Variants in DLG1 observed in about 807,000 individuals in gnomAD.
DLG1 encodes disks large homolog 1.
In DLG1, 42 loss-of-function variants were observed where a neutral mutation model predicts 123.4. That is an observed-to-expected ratio of 0.34 (90% CI 0.27 to 0.44). The LOEUF (loss-of-function observed/expected upper bound fraction) is 0.44. Ranked by LOEUF, DLG1 falls within the 20% of genes least tolerant of loss-of-function variation. The probability of loss-of-function intolerance (pLI) is 1.00; values close to 1 mark genes in which losing one functional copy is unlikely to be tolerated. For missense variants in DLG1, 942 were observed against 1,082.6 expected, an observed-to-expected ratio of 0.87 and a Z score of 1.82; for synonymous variants, 317 against 356.2, an observed-to-expected ratio of 0.89 and a Z score of 1.24.
intron 4 of DLG1, among the ~76,000 whole-genome samples, chr3:197,248,713 G>T (rs535317201): frequency 1.1e-4 from 17 of 151,754 alleles, no homozygotes; most frequent in African/African-American, 4.1e-4. Context: ...ATTTAGAATA[G>T]GACAAAGAAC....
At chr3:197,297,044 G>A (rs755581347) in intron 2 of DLG1, 142 bp downstream of exon 2, 59 of 840,496 alleles carry the variant, frequency 7.0e-5, no homozygotes, top group Non-Finnish European at 8.6e-5. Flanking sequence ...GAAATGATAT[G>A]AGGCTTAGAT....
At position 197,194,416 on chromosome 3, in the gene DLG1, C is replaced by T. The variant is rs763918427; in HGVS notation, c.483+9G>A. 2 of 1,526,282 alleles carry T rather than the reference C, an allele frequency of 1.3e-6. No individual in the cohort carries two copies. The highest frequency in any genetic ancestry group is 2.3e-5 in the East Asian group (1 of 42,938). The allele number at this position is 1,526,282 out of a possible 1,614,324, so 94.5% of individuals were successfully genotyped here. A position where few individuals can be genotyped will look rare whatever the true frequency, so the allele number is the denominator to read the frequency against. ...AATTCATAACAATAATAAATAGATA[C>T]TATCCTACCTTTATTGGTGAAATAT... is the stretch of plus-strand genomic sequence containing the variant. On this transcript the variant is annotated intron_variant, in intron 5 of 24. Coordinates refer to ENST00000667157, the MANE Select transcript of DLG1 (RefSeq NM_001366207.1).
At chr3:197,161,454 T>TA (rs995491654) in intron 5 of DLG1, among the ~76,000 whole-genome samples, 2 of 152,172 alleles carry the variant, frequency 1.3e-5, no homozygotes, top group Non-Finnish European at 2.9e-5. Context: ...GACAACCTAA[T>TA]AAAATGGCAA....
At chr3:197,180,432 G>C (rs1809604975) in intron 5 of DLG1, among the ~76,000 whole-genome samples, 1 of 152,114 alleles carries the variant, frequency 6.6e-6, no homozygotes, top group Admixed American at 6.6e-5. Flanking sequence ...CGGAACCAAG[G>C]AGGGCTTCGC....
At chr3:197,200,864 CCA>C (rs903569472) in intron 4 of DLG1, among the ~76,000 whole-genome samples, 17 of 152,060 alleles carry the variant, frequency 1.1e-4, no homozygotes, top group Admixed American at 7.9e-4. Flanking sequence ...TATAACACAC[CCA>C]CAGTCAACAT....
intron 17 of DLG1, among the ~76,000 whole-genome samples, chr3:197,080,138 C>A (rs1434648412): frequency 6.6e-6 from 1 of 151,540 alleles, no homozygotes; most frequent in Non-Finnish European, 1.5e-5. Flanking sequence ...TCCACCAATA[C>A]GGGATGAAGC....
intron 14 of DLG1, 130 bp from the exon 15 acceptor site, chr3:197,091,156 G>T: frequency 1.9e-6 from 1 of 525,186 alleles, no homozygotes; most frequent in South Asian, 4.3e-5. Context: ...AGTAATATGC[G>T]AAAGATTTTG....
At chr3:197,151,302 G>C (rs752972751) in intron 5 of DLG1, among the ~76,000 whole-genome samples, 6 of 152,052 alleles carry the variant, frequency 3.9e-5, no homozygotes, top group Non-Finnish European at 7.4e-5. Flanking sequence ...TCCCTCTGCC[G>C]ATTTTTTACC....
At chr3:197,088,272 G>A (rs1447622328) in intron 15 of DLG1, among the ~76,000 whole-genome samples, 1 of 152,046 alleles carries the variant, frequency 6.6e-6, no homozygotes, top group Non-Finnish European at 1.5e-5. Flanking sequence ...AGGATAGCTA[G>A]AAAAAAGGAA....
chr3:197,198,124 AAAACAAAAC>A (rs1349547287), intron 4 of DLG1, among the ~76,000 whole-genome samples: 1 of 96,370 alleles, frequency 1.0e-5, no homozygotes, highest in Non-Finnish European at 2.3e-5. Context: ...TGGACTCATC[AAAACAAAAC>A]AAAACAAAAC....
intron 5 of DLG1, among the ~76,000 whole-genome samples, chr3:197,150,825 A>G (rs1311714867): frequency 2.6e-5 from 4 of 152,102 alleles, no homozygotes; most frequent in Non-Finnish European, 5.9e-5. Context: ...TGATATGACA[A>G]AATGCTTAAA....
intron 4 of DLG1, chr3:197,260,175 A>G: frequency 2.9e-6 from 1 of 346,220 alleles, no homozygotes; most frequent in Non-Finnish European, 5.7e-6. Flanking sequence ...CAATGGTTAC[A>G]CCTTATTTTT....
chr3:197,217,814 G>T (rs1734874866), intron 4 of DLG1, among the ~76,000 whole-genome samples: 1 of 152,146 alleles, frequency 6.6e-6, no homozygotes, highest in African/African-American at 2.4e-5. Flanking sequence ...CTGAAAAGCA[G>T]CTTTGGAAAA....
intron 23 of DLG1, among the ~76,000 whole-genome samples, chr3:197,051,878 G>A (rs1055731944): frequency 1.7e-5 from 2 of 119,708 alleles, no homozygotes; most frequent in Non-Finnish European, 3.2e-5. Flanking sequence ...GTCTGACACT[G>A]TCACCCAGGC....
chr3:197,178,796 T>C (rs1808508944), intron 5 of DLG1, among the ~76,000 whole-genome samples: 1 of 152,136 alleles, frequency 6.6e-6, no homozygotes, highest in Admixed American at 6.6e-5. Flanking sequence ...TCAAGTAAAA[T>C]GAACACTGAG....
rs993203880 is a variant in DLG1 at position 197,059,822 on chromosome 3, G to A, written c.2483+67C>T. The A allele has an allele frequency of 2.0e-5, 20 of 997,960 alleles. 1 individual carries two copies. The Admixed American group carries it at 3.3e-4, about 17-fold the overall frequency. The allele number at this position is 997,960 out of a possible 1,614,324, so 61.8% of individuals were successfully genotyped here. ...ATAGATAAACTGAGATGCAGGGAGAGTAAATAAATTACCCTACAGTGACTG... is the reference window on the plus strand; with the variant it reads ...ATAGATAAACTGAGATGCAGGGAGAATAAATAAATTACCCTACAGTGACTG... On this transcript the variant is annotated intron_variant, in intron 23 of 24. Transcript: ENST00000667157.
At chr3:197,216,941 T>G (rs1734402492) in intron 4 of DLG1, among the ~76,000 whole-genome samples, 1 of 152,216 alleles carries the variant, frequency 6.6e-6, no homozygotes, top group Admixed American at 6.5e-5. Flanking sequence ...ACACTGTAGA[T>G]TAATGACAAT....
At chr3:197,285,166 G>A (rs928565838) in intron 3 of DLG1, among the ~76,000 whole-genome samples, 3 of 151,992 alleles carry the variant, frequency 2.0e-5, no homozygotes, top group African/African-American at 7.2e-5. Context: ...GCAAACAATG[G>A]GAGTAAAGGG....
intron 11 of DLG1, among the ~76,000 whole-genome samples, chr3:197,125,500 A>C (rs1346717455): frequency 6.6e-6 from 1 of 152,208 alleles, no homozygotes; most frequent in Non-Finnish European, 1.5e-5. Context: ...AAAAATTGAG[A>C]CAAGGGGCAA....
Sources: gnomAD v4.1 joint callset for allele counts (sites outside exome capture counted in the v4.1 genomes callset) on GRCh38, gnomAD v4.1.1 for gene constraint, MANE v1.5 for transcripts, NCBI Gene and HGNC (gene_info 2026-07-23, HGNC 2026-07-21) for gene names.